COX7B2: variants seen among roughly 807,000 people sequenced by gnomAD.
The protein encoded by COX7B2 is cytochrome c oxidase subunit 7B2.
For synonymous variants in COX7B2, 37 were observed against 32.1 expected, an observed-to-expected ratio of 1.15 and a Z score of -0.51; for missense variants, 109 against 95.9, an observed-to-expected ratio of 1.14 and a Z score of -0.57.
At chr4:46,870,098 T>G (rs1717891387) in intron 1 of COX7B2, among the ~76,000 whole-genome samples, 2 of 152,194 alleles carry the variant, frequency 1.3e-5, no homozygotes, top group East Asian at 3.8e-4. Context: ...TTTGTCTCAC[T>G]GTTTTACTTC....
intron 1 of COX7B2, among the ~76,000 whole-genome samples, chr4:46,868,155 C>T (rs576489483): frequency 2.0e-5 from 3 of 152,048 alleles, no homozygotes; most frequent in Non-Finnish European, 4.4e-5. Context: ...GTTTTCTAGT[C>T]TGTGTGCATA....
chr4:46,797,888 A>G (rs1170565720), intron 2 of COX7B2, among the ~76,000 whole-genome samples: 1 of 152,128 alleles, frequency 6.6e-6, no homozygotes. Flanking sequence ...CTCAATATCC[A>G]TTAGTAAAGA....
intron 2 of COX7B2, among the ~76,000 whole-genome samples, chr4:46,754,554 G>T (rs1372231515): frequency 3.5e-5 from 4 of 113,862 alleles, no homozygotes; most frequent in East Asian, 2.9e-4. Flanking sequence ...GGTGGGGGGA[G>T]GGGGGAGGGA....
chr4:46,847,874 G>A (rs888615209), intron 1 of COX7B2, among the ~76,000 whole-genome samples: 26 of 151,952 alleles, frequency 1.7e-4, no homozygotes, highest in Admixed American at 9.9e-4. Flanking sequence ...GAGAAGCCGG[G>A]TTCAGCCACT....
At chr4:46,860,131 GAGATGGCAAAT>G (rs1717247390) in intron 1 of COX7B2, among the ~76,000 whole-genome samples, 1 of 152,180 alleles carries the variant, frequency 6.6e-6, no homozygotes, top group South Asian at 2.1e-4. Flanking sequence ...GTAAGATGGT[GAGATGGCAAAT>G]AGAAGGTTAG....
intron 1 of COX7B2, among the ~76,000 whole-genome samples, chr4:46,892,240 A>G (rs1295812648): frequency 6.6e-6 from 1 of 152,240 alleles, no homozygotes; most frequent in Admixed American, 6.5e-5. Flanking sequence ...AAAGAAAAGA[A>G]AAGCAATATT....
intron 2 of COX7B2, among the ~76,000 whole-genome samples, chr4:46,791,468 C>T (rs921542394): frequency 4.6e-5 from 7 of 152,162 alleles, no homozygotes; most frequent in African/African-American, 7.2e-5. Flanking sequence ...TCTTTAACTT[C>T]ACACTGGACA....
At chr4:46,834,463 A>T (rs1223574276) in intron 2 of COX7B2, among the ~76,000 whole-genome samples, 1 of 152,192 alleles carries the variant, frequency 6.6e-6, no homozygotes, top group Admixed American at 6.5e-5. Flanking sequence ...AAACCCTAGC[A>T]CATTTGGAAA....
intron 2 of COX7B2, among the ~76,000 whole-genome samples, chr4:46,775,386 A>G (rs1233368099): frequency 6.6e-6 from 1 of 152,140 alleles, no homozygotes; most frequent in Non-Finnish European, 1.5e-5. Context: ...ACTGTATTTT[A>G]GGATGACTAA....
intron 2 of COX7B2, among the ~76,000 whole-genome samples, chr4:46,778,159 T>C (rs1201779636): frequency 6.6e-6 from 1 of 152,088 alleles, no homozygotes. Context: ...GTGTGGAATG[T>C]GTGATTTGAA....
chr4:46,822,934 C>T (rs1337143306), intron 2 of COX7B2, among the ~76,000 whole-genome samples: 1 of 151,986 alleles, frequency 6.6e-6, no homozygotes, highest in Non-Finnish European at 1.5e-5. Context: ...TTTCTTAAGC[C>T]CATTGGAGAA....
At chr4:46,902,542 T>C (rs1389139791) in intron 1 of COX7B2, among the ~76,000 whole-genome samples, 2 of 152,212 alleles carry the variant, frequency 1.3e-5, no homozygotes, top group East Asian at 1.9e-4. Context: ...TTCCATTTCA[T>C]GAGTCACCTA....
At chr4:46,744,758 T>TTTTG (rs1421700660) in intron 2 of COX7B2, among the ~76,000 whole-genome samples, 46 of 149,022 alleles carry the variant, frequency 3.1e-4, no homozygotes, top group Non-Finnish European at 6.4e-4. Flanking sequence ...TTTTTTTTTT[T>TTTTG]GGGAGACGGA....
At chr4:46,880,998 A>AT (rs1354848581) in intron 1 of COX7B2, among the ~76,000 whole-genome samples, 4 of 151,244 alleles carry the variant, frequency 2.6e-5, no homozygotes, top group Non-Finnish European at 5.9e-5. Flanking sequence ...TATAATAAAA[A>AT]AAAAAAAAAA....
intron 1 of COX7B2, among the ~76,000 whole-genome samples, chr4:46,877,237 A>G (rs1718400556): frequency 1.3e-5 from 2 of 152,222 alleles, no homozygotes; most frequent in African/African-American, 2.4e-5. Flanking sequence ...ATTACACATG[A>G]GGAAACATAG....
At chr4:46,830,335 A>G (rs918355048) in intron 2 of COX7B2, among the ~76,000 whole-genome samples, 2 of 151,620 alleles carry the variant, frequency 1.3e-5, no homozygotes, top group Admixed American at 1.3e-4. Flanking sequence ...AAAAAAAAAA[A>G]AAAAAAAAGA....
At chr4:46,880,917 G>A (rs1437686711) in intron 1 of COX7B2, among the ~76,000 whole-genome samples, 3 of 143,256 alleles carry the variant, frequency 2.1e-5, no homozygotes, top group East Asian at 2.1e-4. Context: ...TGGGTGCAGC[G>A]CACCAGCATG....
At chr4:46,790,977 T>C (rs748853143) in intron 2 of COX7B2, among the ~76,000 whole-genome samples, 4 of 152,062 alleles carry the variant, frequency 2.6e-5, no homozygotes, top group South Asian at 2.1e-4. Context: ...AGTCCTAATA[T>C]TATGTAACAG....
chr4:46,891,579 C>G (rs1719432490), intron 1 of COX7B2, among the ~76,000 whole-genome samples: 2 of 152,136 alleles, frequency 1.3e-5, no homozygotes, highest in African/African-American at 4.8e-5. Flanking sequence ...GATCTCAGAG[C>G]CCTGGTGGAA....
Sources: allele counts gnomAD v4.1 joint callset (sites outside exome capture counted in the v4.1 genomes callset), GRCh38; gene constraint gnomAD v4.1.1; transcripts MANE v1.5; gene names NCBI Gene and HGNC (gene_info 2026-07-23, HGNC 2026-07-21).